The following SERINC5 variants were observed in gnomAD, a reference collection of about 807,000 sequenced individuals.
SERINC5 encodes chromosome 5 open reading frame 12.
SERINC5 carries 41 observed loss-of-function variants against 63.1 expected under a neutral mutation model. The observed-to-expected ratio is 0.65, with a 90% CI of 0.51 to 0.84. The LOEUF (loss-of-function observed/expected upper bound fraction) is 0.84, where lower values mean the gene tolerates loss of function less well. Ranked by LOEUF, SERINC5 falls within the 40% of genes least tolerant of loss-of-function variation. The pLI is 0.00. For synonymous variants in SERINC5, 222 were observed against 215.2 expected (o/e 1.03, Z -0.28); for missense variants, 523 against 573.0 (o/e 0.91, Z 0.89).
intron 1 of SERINC5, among the ~76,000 whole-genome samples, chr5:80,215,602 T>A (rs535535791): frequency 6.6e-6 from 1 of 152,350 alleles, no homozygotes; most frequent in Non-Finnish European, 1.5e-5. Flanking sequence ...CAGAGAATCC[T>A]CTAAAGCGCC....
At chr5:80,255,487 G>A (rs1752617839) in intron 1 of SERINC5, among the ~76,000 whole-genome samples, 1 of 152,186 alleles carries the variant, frequency 6.6e-6, no homozygotes, top group Non-Finnish European at 1.5e-5. Context: ...GCATAGCAAA[G>A]GAGACGGTGC....
chr5:80,252,991 A>G (rs1257385584), intron 1 of SERINC5, among the ~76,000 whole-genome samples: 1 of 152,222 alleles, frequency 6.6e-6, no homozygotes, highest in African/African-American at 2.4e-5. Context: ...TAAATTTATA[A>G]TAGGCATCTC....
chr5:80,212,026 G>C (rs980551347), intron 1 of SERINC5, among the ~76,000 whole-genome samples: 9 of 152,194 alleles, frequency 5.9e-5, no homozygotes, highest in African/African-American at 2.2e-4. Flanking sequence ...AACGGGGCTG[G>C]ACAGCCAAGT....
At chr5:80,123,314 C>T (rs1008326434) in intron 11 of SERINC5, among the ~76,000 whole-genome samples, 1 of 152,058 alleles carries the variant, frequency 6.6e-6, no homozygotes, top group African/African-American at 2.4e-5. Context: ...ACTATGTTGC[C>T]CAGGCTGGTC....
At chr5:80,156,608 T>C (rs1014527040) in intron 8 of SERINC5, among the ~76,000 whole-genome samples, 3 of 152,206 alleles carry the variant, frequency 2.0e-5, no homozygotes, top group Non-Finnish European at 4.4e-5. Context: ...CATCCCACCA[T>C]ACACTGCAGT....
chr5:80,148,179 A>ATTTT (rs1561368204), intron 9 of SERINC5, among the ~76,000 whole-genome samples: 2 of 117,220 alleles, frequency 1.7e-5, no homozygotes, highest in African/African-American at 7.0e-5. Flanking sequence ...TACCTTGCGT[A>ATTTT]TTTTTTATTC....
intron 11 of SERINC5, among the ~76,000 whole-genome samples, chr5:80,121,985 G>T (rs1744562110): frequency 6.6e-6 from 1 of 151,972 alleles, no homozygotes. Flanking sequence ...CTGAGATTTG[G>T]AGGGGACACA....
intron 1 of SERINC5, among the ~76,000 whole-genome samples, chr5:80,246,890 G>C (rs1456726558): frequency 2.6e-5 from 4 of 152,252 alleles, no homozygotes; most frequent in African/African-American, 9.6e-5. Flanking sequence ...GGGCTACTTG[G>C]GATGCCTAAT....
intron 1 of SERINC5, among the ~76,000 whole-genome samples, chr5:80,212,571 T>A (rs184458667): frequency 2.0e-5 from 3 of 150,650 alleles, no homozygotes; most frequent in East Asian, 2.0e-4. Context: ...ACAACCAACA[T>A]TGTGTGGCTT....
At chr5:80,208,450 C>T (rs942639884) in intron 1 of SERINC5, among the ~76,000 whole-genome samples, 29 of 151,752 alleles carry the variant, frequency 1.9e-4, no homozygotes, top group African/African-American at 6.8e-4. Context: ...CCCCCCCAAA[C>T]GACTCAGTAA....
chr5:80,224,133 CAAAAA>C (rs33915521), intron 1 of SERINC5, among the ~76,000 whole-genome samples: 92 of 102,132 alleles, frequency 9.0e-4, no homozygotes, highest in African/African-American at 3.1e-3. Flanking sequence ...AACTCCGTCT[CAAAAA>C]AAAAAAAAAA....
At chr5:80,250,770 A>G (rs1362011259) in intron 1 of SERINC5, among the ~76,000 whole-genome samples, 1 of 152,208 alleles carries the variant, frequency 6.6e-6, no homozygotes. Context: ...GCAAACATTT[A>G]ATCAAAGGCC....
rs933474860 is a variant in SERINC5 at position 80,173,391 on chromosome 5, C to T, written c.551+1563G>A. Among the ~76,000 whole-genome samples the T allele has an allele frequency of 9.2e-5, 14 of 152,078 alleles. No individual in the cohort carries two copies. The South Asian group carries it at 1.2e-3, about 14-fold the overall frequency. ...TGGGCGGATCACCAGGTCAGGAGAT[C>T]GAGACCATCCTGGCTAACACGGTGA... On this transcript the variant is annotated intron_variant, in intron 5 of 11. Coordinates refer to ENST00000507668, the MANE Select transcript of SERINC5 (RefSeq NM_001174072.3).
chr5:80,217,104 AT>A (rs143256605), intron 1 of SERINC5, among the ~76,000 whole-genome samples: 4 of 150,188 alleles, frequency 2.7e-5, no homozygotes, highest in South Asian at 2.1e-4. Context: ...TTTAATTTTA[AT>A]TTTTTTATTT....
intron 2 of SERINC5, among the ~76,000 whole-genome samples, chr5:80,189,148 A>C (rs1011940461): frequency 6.6e-6 from 1 of 152,214 alleles, no homozygotes; most frequent in Non-Finnish European, 1.5e-5. Context: ...TAAAGTTAGT[A>C]CATTTAAAAT....
At chr5:80,226,122 G>A (rs1399019788) in intron 1 of SERINC5, among the ~76,000 whole-genome samples, 1 of 151,668 alleles carries the variant, frequency 6.6e-6, no homozygotes, top group East Asian at 1.9e-4. Flanking sequence ...GCGGTAGCAC[G>A]ATCTCAGCTC....
intron 8 of SERINC5, 118 bp downstream of exon 8, chr5:80,158,718 G>A (rs1344801219): frequency 2.1e-6 from 2 of 937,510 alleles, no homozygotes; most frequent in Non-Finnish European, 3.2e-6. Context: ...TTTTACTTGT[G>A]GTTATTTTCC....
rs11273692 is a variant in SERINC5, at chr5:80,141,463, AGTTTCTCAAATCACAC to A, written c.*2184_*2199del. ...CTGGACCTTGACTGCGCGTAAGGTCAGTTTCTCAAATCACACCAGCTGGCAGCCAGACCCAGCCGAG... is the reference window on the plus strand; with the variant it reads ...CTGGACCTTGACTGCGCGTAAGGTCACAGCTGGCAGCCAGACCCAGCCGAG... On this transcript the variant is annotated 3_prime_UTR_variant, in exon 12 of 12. Coordinates refer to ENST00000507668, the MANE Select transcript of SERINC5 (RefSeq NM_001174072.3). 0.014 allele frequency: 14,083 copies of A among 977,404 alleles called. 1,499 individuals carry two copies. In the African/African-American group the frequency reaches 0.26, roughly 18 times the overall value. The allele number at this position is 977,404 out of a possible 1,614,324, so 60.5% of individuals were successfully genotyped here.
At chr5:80,240,179 A>T (rs1751888442) in intron 1 of SERINC5, among the ~76,000 whole-genome samples, 1 of 152,200 alleles carries the variant, frequency 6.6e-6, no homozygotes, top group Non-Finnish European at 1.5e-5. Context: ...TCGTGGTAAT[A>T]CACAAAAAAT....
Sources: gnomAD v4.1 joint callset for allele counts (sites outside exome capture counted in the v4.1 genomes callset) on GRCh38, gnomAD v4.1.1 for gene constraint, MANE v1.5 for transcripts, NCBI Gene and HGNC (gene_info 2026-07-23, HGNC 2026-07-21) for gene names.